CR2: variants seen among roughly 807,000 people sequenced by gnomAD.
CR2 encodes the protein complement C3d receptor 2, also known as complement receptor type 2.
In CR2, 96 loss-of-function variants were observed where a neutral mutation model predicts 123.0. The ratio of observed to expected loss-of-function variants is 0.78; its 90% CI spans 0.66 to 0.93. CR2 has a LOEUF of 0.93. Among genes scored for constraint, CR2 ranks in the 40% least tolerant of loss-of-function variants. The pLI, the probability that CR2 is intolerant of heterozygous loss-of-function variation, is 0.00. For synonymous variants in CR2, 484 were observed against 469.5 expected, an observed-to-expected ratio of 1.03 and a Z score of -0.40; for missense variants, 1,258 against 1,361.0, an observed-to-expected ratio of 0.92 and a Z score of 1.19.
chr1:207,473,145 C>T lies in CR2; in HGVS notation c.1944C>T (p.Asn648=). The T allele has an allele frequency of 6.2e-7, 1 of 1,613,934 alleles. No homozygotes were observed. The highest frequency in any genetic ancestry group is 8.5e-7 in the Non-Finnish European group (1 of 1,179,888). Reference sequence around the variant, plus strand: ...GTCAGATTCGTTGCAAAGCTGATAACACCTGGGATCCTGAAATACCAGTTT... The same window carrying T: ...GTCAGATTCGTTGCAAAGCTGATAATACCTGGGATCCTGAAATACCAGTTT... ...GSSQIRCKAD[N]TWDPEIPVCE... Residue 648 remains asparagine (N), a synonymous_variant, in exon 10 of 20, where the codon AAC becomes AAT. Transcript: ENST00000367057.
chr1:207,478,541 A>G (rs995800845), intron 16 of CR2, among the ~76,000 whole-genome samples: 6 of 150,062 alleles, frequency 4.0e-5, no homozygotes, highest in Non-Finnish European at 7.4e-5. Flanking sequence ...AAAAAAAAAA[A>G]AAAAAAGAAA....
chr1:207,475,173 T>C lies in CR2; in HGVS notation c.2673T>C (p.Thr891=), dbSNP rs1400552043. ...MNGSRVIRCH[T]DNTWVPGVPT... is the part of the protein sequence containing the mutation. ...GTAGTCGCGTGATTAGGTGTCATAC[T>C]GATAACACATGGGTGCCAGGTGTGC... The change falls in exon 14 of 20, where the codon ACT becomes ACC. Residue 891 remains threonine, a synonymous_variant. Transcript: ENST00000367057. 1.9e-6 allele frequency: 3 copies of C among 1,613,646 alleles called. No homozygotes were observed. The highest frequency in any genetic ancestry group is 2.5e-6 in the Non-Finnish European group (3 of 1,179,820).
intron 5 of CR2, 79 bp downstream of exon 5, chr1:207,469,311 G>T: frequency 1.9e-6 from 2 of 1,032,978 alleles, no homozygotes; most frequent in South Asian, 2.5e-5. Flanking sequence ...TTACCTTACA[G>T]ACTCTTACTG....
At chr1:207,469,549 T>C in intron 5 of CR2, 146 bp from the exon 6 acceptor site, 1 of 759,086 alleles carries the variant, frequency 1.3e-6, no homozygotes, top group Non-Finnish European at 2.3e-6. Flanking sequence ...ATCAATCTTC[T>C]AAATTATGTT....
At chr1:207,456,298 T>C (rs1246176987) in intron 1 of CR2, among the ~76,000 whole-genome samples, 1 of 152,166 alleles carries the variant, frequency 6.6e-6, no homozygotes, top group Non-Finnish European at 1.5e-5. Flanking sequence ...TTACTGCTAC[T>C]GCATGCTCTC....
intron 19 of CR2, among the ~76,000 whole-genome samples, chr1:207,487,426 A>T (rs930667050): frequency 1.3e-5 from 2 of 152,188 alleles, no homozygotes; most frequent in African/African-American, 4.8e-5. Context: ...AGCTGGGATT[A>T]TAGGCAAGCA....
rs781682405 is a variant in CR2, at chr1:207,477,906, C to T, written c.2924C>T (p.Ala975Val). The T allele has an allele frequency of 1.9e-6, 3 of 1,613,964 alleles. No individual in the cohort carries two copies. ...TCAGAGGTAAACTGTAGCTCACCAGCAGATATGGATGGAATCCAGAAAGGG... is the reference window on the plus strand; with the variant it reads ...TCAGAGGTAAACTGTAGCTCACCAGTAGATATGGATGGAATCCAGAAAGGG... ...HCKEVNCSSP[A>V]DMDGIQKGLE... is the part of the protein sequence containing the mutation. Residue 975 changes from alanine (A) to valine (V), a missense_variant, in exon 16 of 20, where the codon GCA becomes GTA. Coordinates refer to ENST00000367057, the MANE Select transcript of CR2 (RefSeq NM_001006658.3).
intron 18 of CR2, among the ~76,000 whole-genome samples, chr1:207,482,236 T>G (rs1202490415): frequency 6.6e-6 from 1 of 152,198 alleles, no homozygotes; most frequent in Admixed American, 6.6e-5. Context: ...CTATAAATAT[T>G]TGCATAAATT....
chr1:207,454,987 A>G lies in CR2; in HGVS notation c.58+511A>G, dbSNP rs1440374020. ...CCTGGTTCCCAAGCATGGGTCTCAGATTTTCTGAACTCTAATGTGATATTG... is the reference window on the plus strand; with the variant it reads ...CCTGGTTCCCAAGCATGGGTCTCAGGTTTTCTGAACTCTAATGTGATATTG... On this transcript the variant is annotated intron_variant, in intron 1 of 19. Coordinates refer to ENST00000367057, the MANE Select transcript of CR2 (RefSeq NM_001006658.3). This position sits in a 1 kb window ranked among gnomAD's most constrained non-coding sequence, Gnocchi z 4.3. The G allele has an allele frequency of 6.5e-6, 1 of 154,652 alleles. No individual in the cohort carries two copies. The highest frequency in any genetic ancestry group is 2.4e-5 in the African/African-American group (1 of 41,458). 9.6% of individuals were successfully genotyped at this position (154,652 alleles called of 1,614,324 possible).
intron 2 of CR2, among the ~76,000 whole-genome samples, chr1:207,467,570 A>G (rs1269830699): frequency 1.3e-5 from 2 of 152,212 alleles, no homozygotes; most frequent in Non-Finnish European, 2.9e-5. Context: ...AAATTATACT[A>G]TCAAATTAGG....
At chr1:207,464,992 G>A (rs552303617) in intron 1 of CR2, among the ~76,000 whole-genome samples, 3 of 152,160 alleles carry the variant, frequency 2.0e-5, no homozygotes, top group South Asian at 2.1e-4. Context: ...GTGCAATGGC[G>A]TGATCTTGGC....
chr1:207,484,439 A>C (rs1278650171), intron 18 of CR2, among the ~76,000 whole-genome samples: 1 of 152,234 alleles, frequency 6.6e-6, no homozygotes, highest in East Asian at 1.9e-4. Context: ...TTAAAAATGA[A>C]TGTCTAGTGA....
chr1:207,465,519 T>C (rs1220009471), intron 1 of CR2, among the ~76,000 whole-genome samples: 1 of 152,230 alleles, frequency 6.6e-6, no homozygotes, highest in African/African-American at 2.4e-5. Context: ...ATTGATTCAG[T>C]TGAGTATATA....
In CR2 at chr1:207,472,916, G is replaced by C; in HGVS notation, c.1715G>C (p.Ser572Thr). 1 of 1,614,066 alleles carries C rather than the reference G, an allele frequency of 6.2e-7. No homozygotes were observed. The highest frequency in any genetic ancestry group is 8.5e-7 in the Non-Finnish European group (1 of 1,179,974). Residue 572 changes from serine (S) to threonine (T), a missense_variant, in exon 10 of 20, where the codon AGC becomes ACC. Transcript: ENST00000367057. ...RGVEFSLIGE[S>T]TIRCTSNDQE... Reference sequence around the variant, plus strand: ...GTGGAATTCAGCCTCATTGGAGAGAGCACCATCCGTTGTACAAGCAATGAT... The same window carrying C: ...GTGGAATTCAGCCTCATTGGAGAGACCACCATCCGTTGTACAAGCAATGAT...
intron 1 of CR2, among the ~76,000 whole-genome samples, chr1:207,458,672 C>A (rs1467264798): frequency 1.3e-5 from 2 of 152,218 alleles, no homozygotes; most frequent in Non-Finnish European, 2.9e-5. Context: ...TAAATGTTGC[C>A]TTTTCACAGG....
At chr1:207,457,026 T>C (rs767545812) in intron 1 of CR2, among the ~76,000 whole-genome samples, 4 of 152,264 alleles carry the variant, frequency 2.6e-5, no homozygotes, top group Non-Finnish European at 4.4e-5. Context: ...AGTATCCATA[T>C]TCCAGGGTAC....
intron 19 of CR2, among the ~76,000 whole-genome samples, chr1:207,486,899 T>C (rs1658764833): frequency 6.6e-6 from 1 of 152,216 alleles, no homozygotes; most frequent in African/African-American, 2.4e-5. Flanking sequence ...TAAATGTGGA[T>C]GTCTAATAGA....
At position 207,489,811 on chromosome 1, in the gene CR2, A is replaced by G. The variant is rs923590358; in HGVS notation, c.*688A>G. 1.3e-5 allele frequency: 2 copies of G among 152,132 alleles called. No homozygotes were observed. Among genetic ancestry groups the G allele is most frequent in the East Asian group, 3.9e-4 (2 of 5,190 alleles). 9.4% of individuals were successfully genotyped at this position (152,132 alleles called of 1,614,324 possible). On this transcript the variant is annotated 3_prime_UTR_variant, in exon 20 of 20. Coordinates refer to ENST00000367057, the MANE Select transcript of CR2 (RefSeq NM_001006658.3). ...TGGATGTTTCTTTAGCAGTTTTGTG[A>G]TAAGTTCTAGTTGCTTGTAAAATTT... is the stretch of plus-strand genomic sequence containing the variant.
At chr1:207,457,266 TGAAA>T (rs1026137288) in intron 1 of CR2, among the ~76,000 whole-genome samples, 2 of 152,258 alleles carry the variant, frequency 1.3e-5, no homozygotes, top group Non-Finnish European at 2.9e-5. Flanking sequence ...CCTATAACAA[TGAAA>T]GAAGTATCCA....
Sources: allele counts gnomAD v4.1 joint callset (sites outside exome capture counted in the v4.1 genomes callset), GRCh38; gene constraint gnomAD v4.1.1; non-coding constraint Gnocchi (gnomAD v3.1); transcripts MANE v1.5; gene names NCBI Gene and HGNC (gene_info 2026-07-23, HGNC 2026-07-21).